Variants in PBX4 observed in about 807,000 individuals in gnomAD.
PBX4 encodes the protein PBX homeobox 4.
Under a neutral mutation model 35.1 loss-of-function variants are expected in PBX4, and 26 were observed. The ratio of observed to expected loss-of-function variants is 0.74; its 90% confidence interval spans 0.54 to 1.03. The LOEUF (loss-of-function observed/expected upper bound fraction) is 1.03, where lower values mean the gene tolerates loss of function less well. PBX4 is among the 50% of genes least tolerant of loss of function. The pLI is 0.00. For missense variants in PBX4, 448 were observed against 504.3 expected (o/e 0.89, Z 1.07); for synonymous variants, 199 against 204.2 (o/e 0.97, Z 0.22).
At chr19:19,577,414 C>T (rs550823251) in intron 2 of PBX4, among the ~76,000 whole-genome samples, 3 of 152,232 alleles carry the variant, frequency 2.0e-5, no homozygotes, top group African/African-American at 7.2e-5. Flanking sequence ...TTACAGGAGG[C>T]ACAGTGTTTG....
At chr19:19,600,095 T>C (rs1201602765) in intron 1 of PBX4, among the ~76,000 whole-genome samples, 1 of 151,992 alleles carries the variant, frequency 6.6e-6, no homozygotes, top group Non-Finnish European at 1.5e-5. Flanking sequence ...TGAGCCAAGA[T>C]TGTGCCACTG....
intron 2 of PBX4, among the ~76,000 whole-genome samples, chr19:19,575,470 C>T (rs1794119542): frequency 6.6e-6 from 1 of 152,130 alleles, no homozygotes; most frequent in Non-Finnish European, 1.5e-5. Flanking sequence ...CCCCTCTCCT[C>T]CTAATCTCTC....
intron 2 of PBX4, among the ~76,000 whole-genome samples, chr19:19,595,020 C>G (rs1339494152): frequency 3.9e-5 from 6 of 152,222 alleles, no homozygotes; most frequent in African/African-American, 1.4e-4. Flanking sequence ...CCGCACCCAG[C>G]CTTTAAAAAG....
At chr19:19,584,783 G>A (rs1450572661) in intron 2 of PBX4, among the ~76,000 whole-genome samples, 1 of 151,818 alleles carries the variant, frequency 6.6e-6, no homozygotes, top group Non-Finnish European at 1.5e-5. Flanking sequence ...GCACCACCAT[G>A]CCTGGCTAAT....
chr19:19,604,542 G>A (rs973297576), intron 1 of PBX4, among the ~76,000 whole-genome samples: 6 of 150,544 alleles, frequency 4.0e-5, no homozygotes, highest in African/African-American at 1.5e-4. Flanking sequence ...AAATGTTTGT[G>A]GGGGATGAGA....
intron 6 of PBX4, among the ~76,000 whole-genome samples, chr19:19,564,014 T>C (rs749501265): frequency 1.3e-5 from 2 of 151,998 alleles, no homozygotes; most frequent in Non-Finnish European, 2.9e-5. Context: ...TATTATACTT[T>C]AAGTTTTAGG....
At chr19:19,602,651 T>C (rs2061604671) in intron 1 of PBX4, among the ~76,000 whole-genome samples, 1 of 152,152 alleles carries the variant, frequency 6.6e-6, no homozygotes, top group Admixed American at 6.6e-5. Flanking sequence ...CCCAGGCTGT[T>C]CTTGAACTCC....
At chr19:19,574,549 C>T (rs2144722460) in intron 2 of PBX4, among the ~76,000 whole-genome samples, 1 of 152,254 alleles carries the variant, frequency 6.6e-6, no homozygotes, top group Non-Finnish European at 1.5e-5. Flanking sequence ...TGCACCGAGG[C>T]TCTTTCTGAG....
intron 1 of PBX4, among the ~76,000 whole-genome samples, chr19:19,610,189 G>A (rs1358923737): frequency 6.6e-6 from 1 of 152,166 alleles, no homozygotes; most frequent in Admixed American, 6.5e-5. Context: ...TGAGACGGGC[G>A]GATCACCTGA....
Position 19,569,469 on chromosome 19 carries a change from C to A in PBX4, c.748G>T (p.Gly250Cys). 6.2e-7 allele frequency: 1 copy of A among 1,612,140 alleles called. No homozygotes were observed. The highest frequency in any genetic ancestry group is 2.2e-5 in the East Asian group (1 of 44,760). Residue 250 changes from glycine to cysteine, a missense_variant, in exon 5 of 8, where the codon GGC becomes TGC. Physicochemically the swap from Gly to Cys is radical, Grantham distance 159. Coordinates refer to ENST00000251203, the MANE Select transcript of PBX4 (RefSeq NM_025245.3). ...EEAKEELARKGGLTISQVSNW... is the reference protein window; with the variant it reads ...EEAKEELARKCGLTISQVSNW... ...GTCACCTGGGAGATGGTGAGGCCGCCCTTCCTGGCCAGCTCTTCTTTGGCT... is the reference window on the plus strand; with the variant it reads ...GTCACCTGGGAGATGGTGAGGCCGCACTTCCTGGCCAGCTCTTCTTTGGCT...
chr19:19,576,721 G>C (rs960165898), intron 2 of PBX4, among the ~76,000 whole-genome samples: 5 of 151,560 alleles, frequency 3.3e-5, no homozygotes, highest in Admixed American at 3.3e-4. Context: ...GGGGTCAAGC[G>C]ATCCTCCTGC....
At chr19:19,564,751 T>A (rs1019655004) in intron 6 of PBX4, 182 bp downstream of exon 6, 8 of 719,830 alleles carry the variant, frequency 1.1e-5, no homozygotes, top group Non-Finnish European at 1.6e-5. Flanking sequence ...AAAGCACAGG[T>A]ATCTGTTGGT....
chr19:19,579,669 G>A (rs1022718516), intron 2 of PBX4, among the ~76,000 whole-genome samples: 1 of 152,182 alleles, frequency 6.6e-6, no homozygotes. Flanking sequence ...CTGACCCCTC[G>A]GGTCTGCCAC....
chr19:19,583,857 A>G (rs140854328), intron 2 of PBX4, among the ~76,000 whole-genome samples: 2,304 of 152,112 alleles, frequency 0.015, 81 homozygotes, highest in South Asian at 0.076. Context: ...ATCACCTCAG[A>G]TCAGGAGTTG....
intron 2 of PBX4, among the ~76,000 whole-genome samples, chr19:19,583,074 T>C (rs374305289): frequency 6.6e-6 from 1 of 152,076 alleles, no homozygotes; most frequent in East Asian, 1.9e-4. Context: ...TCCCAGCACT[T>C]TGGGAGGCTG....
chr19:19,592,983 T>C (rs1373534032), intron 2 of PBX4, among the ~76,000 whole-genome samples: 4 of 152,192 alleles, frequency 2.6e-5, no homozygotes, highest in Non-Finnish European at 5.9e-5. Flanking sequence ...ACTGCCCATC[T>C]GTAAAACGGG....
At chr19:19,610,880 G>A (rs1599383063) in intron 1 of PBX4, among the ~76,000 whole-genome samples, 1 of 152,170 alleles carries the variant, frequency 6.6e-6, no homozygotes, top group Admixed American at 6.5e-5. Context: ...TACAAGGCAC[G>A]AAGTCAACTG....
At chr19:19,589,643 A>G (rs1323356134) in intron 2 of PBX4, among the ~76,000 whole-genome samples, 2 of 151,594 alleles carry the variant, frequency 1.3e-5, no homozygotes, top group East Asian at 3.9e-4. Context: ...GGTGGCGGGC[A>G]CCTGTAATCC....
chr19:19,588,199 C>T, intron 2 of PBX4: 1 of 1,350,694 alleles, frequency 7.4e-7, no homozygotes, highest in Non-Finnish European at 1.1e-6. Context: ...TGGTGCACTC[C>T]TTACAATAAT....
Sources: gnomAD v4.1 joint callset for allele counts (sites outside exome capture counted in the v4.1 genomes callset) on GRCh38, gnomAD v4.1.1 for gene constraint, MANE v1.5 for transcripts, NCBI Gene and HGNC (gene_info 2026-07-23, HGNC 2026-07-21) for gene names.